Variants in GLG1 observed in about 807,000 individuals in gnomAD.
GLG1 encodes the protein golgi glycoprotein 1, also known as Golgi apparatus protein 1.
GLG1 carries 38 observed loss-of-function variants against 160.5 expected under a neutral mutation model. That is an observed-to-expected ratio of 0.24 (90% CI 0.18 to 0.31). The LOEUF (loss-of-function observed/expected upper bound fraction) is 0.31, where lower values mean the gene tolerates loss of function less well. GLG1 is among the 10% of genes least tolerant of loss of function. The probability of loss-of-function intolerance (pLI) is 1.00; values close to 1 mark genes in which losing one functional copy is unlikely to be tolerated. For missense variants in GLG1, 1,373 were observed against 1,505.2 expected, an observed-to-expected ratio of 0.91 and a Z score of 1.45; for synonymous variants, 644 against 543.4, an observed-to-expected ratio of 1.19 and a Z score of -2.57.
In GLG1 at chr16:74,452,559, G is replaced by A. The variant is rs1186061468; in HGVS notation, c.*608C>T. On this transcript the variant is annotated 3_prime_UTR_variant, in exon 26 of 26. Coordinates refer to ENST00000422840, the MANE Select transcript of GLG1 (RefSeq NM_001145667.2). ...GGAAAGCGTCACTGTCTCAGCAGAAGAAAGCAGGACCCCACACAGCCTGGG... is the reference window on the plus strand; with the variant it reads ...GGAAAGCGTCACTGTCTCAGCAGAAAAAAGCAGGACCCCACACAGCCTGGG... 2.0e-6 allele frequency: 2 copies of A among 1,009,140 alleles called. No homozygotes were observed. Among genetic ancestry groups the A allele is most frequent in the Non-Finnish European group, 2.4e-6 (2 of 843,492 alleles). 62.5% of individuals were successfully genotyped at this position (1,009,140 alleles called of 1,614,324 possible).
intron 23 of GLG1, among the ~76,000 whole-genome samples, chr16:74,458,737 A>G (rs576412633): frequency 1.3e-5 from 2 of 152,348 alleles, no homozygotes; most frequent in South Asian, 4.1e-4. Flanking sequence ...AAAATGTTCT[A>G]CTTTACCTCT....
chr16:74,486,692 A>C (rs1275357712), intron 8 of GLG1, among the ~76,000 whole-genome samples: 2 of 152,198 alleles, frequency 1.3e-5, no homozygotes, highest in African/African-American at 4.8e-5. Context: ...CTCTAAATTA[A>C]AATCAAAAGA....
chr16:74,459,358 G>C (rs775310184), intron 23 of GLG1, among the ~76,000 whole-genome samples: 2 of 152,234 alleles, frequency 1.3e-5, no homozygotes, highest in East Asian at 3.9e-4. Flanking sequence ...GGCGCCTATA[G>C]TCCCAGCTAC....
chr16:74,453,083 G>T lies in GLG1; in HGVS notation c.*84C>A. ...ACGGGGTTGGTGTCACTTCTGAGAAGAGCGAGGTGAGTGGGGATGCTATAC... is the reference window on the plus strand; with the variant it reads ...ACGGGGTTGGTGTCACTTCTGAGAATAGCGAGGTGAGTGGGGATGCTATAC... On this transcript the variant is annotated 3_prime_UTR_variant, in exon 26 of 26. Transcript: ENST00000422840. 1 of 1,548,488 alleles carries T rather than the reference G, an allele frequency of 6.5e-7. No homozygotes were observed. Among genetic ancestry groups the T allele is most frequent in the Non-Finnish European group, 8.7e-7 (1 of 1,147,766 alleles).
chr16:74,532,194 ATATATATAT>A, intron 1 of GLG1, 41 bp from the exon 2 acceptor site: 3 of 334,180 alleles, frequency 9.0e-6, no homozygotes, highest in Admixed American at 1.2e-4. Flanking sequence ...AAAAAAAAAA[ATATATATAT>A]ATATATATAG....
intron 1 of GLG1, among the ~76,000 whole-genome samples, chr16:74,601,319 G>A (rs932503347): frequency 9.9e-5 from 15 of 151,888 alleles, no homozygotes; most frequent in African/African-American, 2.7e-4. Context: ...TGGTGGCTCC[G>A]CCTGTAACCT....
intron 17 of GLG1, 176 bp from the exon 18 acceptor site, chr16:74,468,024 A>T: frequency 5.3e-6 from 3 of 570,050 alleles, no homozygotes; most frequent in Non-Finnish European, 6.2e-6. Flanking sequence ...AAATAGCTGC[A>T]TGGCCTTGGA....
At chr16:74,560,554 G>C (rs2018483737) in intron 1 of GLG1, among the ~76,000 whole-genome samples, 1 of 152,114 alleles carries the variant, frequency 6.6e-6, no homozygotes, top group Non-Finnish European at 1.5e-5. Flanking sequence ...TGTTGGCCAG[G>C]ATGGCCTTGA....
At chr16:74,502,770 C>T (rs1259609168) in intron 4 of GLG1, among the ~76,000 whole-genome samples, 4 of 144,652 alleles carry the variant, frequency 2.8e-5, no homozygotes, top group African/African-American at 1.0e-4. Context: ...CGGGGTTTCA[C>T]CGTGTTAGCC....
chr16:74,539,755 G>A (rs2017782117), intron 1 of GLG1, among the ~76,000 whole-genome samples: 1 of 147,770 alleles, frequency 6.8e-6, no homozygotes, highest in Non-Finnish European at 1.5e-5. Context: ...CTGACTCCCT[G>A]ACAGAAAGAT....
intron 3 of GLG1, among the ~76,000 whole-genome samples, chr16:74,505,874 C>T (rs1361304789): frequency 1.3e-5 from 2 of 151,454 alleles, no homozygotes; most frequent in African/African-American, 4.9e-5. Flanking sequence ...AAACAAAAAA[C>T]CCAAAATTAG....
chr16:74,567,584 C>T (rs1288870245), intron 1 of GLG1, among the ~76,000 whole-genome samples: 13 of 100,958 alleles, frequency 1.3e-4, no homozygotes, highest in Non-Finnish European at 2.4e-4. Context: ...TTTTTTGAGA[C>T]GGAGTCTCGC....
At chr16:74,524,385 C>T (rs2017271141) in intron 2 of GLG1, among the ~76,000 whole-genome samples, 1 of 152,098 alleles carries the variant, frequency 6.6e-6, no homozygotes, top group Non-Finnish European at 1.5e-5. Context: ...AAGTACGATG[C>T]TTGCTGTAGG....
At chr16:74,605,289 C>T (rs1220296767) in intron 1 of GLG1, among the ~76,000 whole-genome samples, 1 of 147,884 alleles carries the variant, frequency 6.8e-6, no homozygotes, top group Admixed American at 6.9e-5. Flanking sequence ...GTCCGGAATA[C>T]ACATGAAGGA....
chr16:74,520,076 T>TAATC (rs1287017244), intron 2 of GLG1, among the ~76,000 whole-genome samples: 1 of 152,342 alleles, frequency 6.6e-6, no homozygotes, highest in Non-Finnish European at 1.5e-5. Context: ...CATTATTAAT[T>TAATC]AATCCTCAAT....
rs2017728569 is a variant in GLG1 at position 74,537,838 on chromosome 16, C to T, written c.439-5685G>A. The stretch of plus-strand genomic sequence containing the variant: ...CACAACAAACAGGTTTCAGAATAAA[C>T]TACTGAAAAGCTTGAGTCTGAATGT... On this transcript the variant is annotated intron_variant, in intron 1 of 25. Transcript: ENST00000422840. 1.3e-5 allele frequency among the ~76,000 whole-genome samples: 2 copies of T among 150,108 alleles called. 1 individual carries two copies. The highest frequency in any genetic ancestry group is 4.3e-4 in the South Asian group (2 of 4,702).
intron 2 of GLG1, among the ~76,000 whole-genome samples, chr16:74,520,353 G>C (rs770975553): frequency 6.6e-6 from 1 of 152,058 alleles, no homozygotes; most frequent in South Asian, 2.1e-4. Flanking sequence ...TTAAAAACAC[G>C]TGGCCGGAGA....
chr16:74,468,527 C>T (rs770760208), intron 17 of GLG1: 13 of 165,508 alleles, frequency 7.9e-5, no homozygotes, highest in Admixed American at 4.7e-4. Flanking sequence ...TGAGCCACCT[C>T]GCTGGCCTAA....
chr16:74,563,523 G>A (rs1219780012), intron 1 of GLG1, among the ~76,000 whole-genome samples: 1 of 152,108 alleles, frequency 6.6e-6, no homozygotes, highest in East Asian at 1.9e-4. Context: ...GAGGTCAGGA[G>A]TTCAAGACCA....
Sources: allele counts gnomAD v4.1 joint callset (sites outside exome capture counted in the v4.1 genomes callset), GRCh38; gene constraint gnomAD v4.1.1; transcripts MANE v1.5; gene names NCBI Gene and HGNC (gene_info 2026-07-23, HGNC 2026-07-21).